Variants in RERE observed in about 807,000 individuals in gnomAD.
RERE encodes the protein arginine-glutamic acid dipeptide repeats, also known as arginine-glutamic acid dipeptide repeats protein.
A neutral mutation model predicts 146.1 loss-of-function variants in RERE; 40 were observed. The observed-to-expected ratio is 0.27, with a 90% CI of 0.21 to 0.36. The LOEUF (loss-of-function observed/expected upper bound fraction) is 0.36, where lower values mean the gene tolerates loss of function less well. Ranked by LOEUF, RERE falls within the 10% of genes least tolerant of loss-of-function variation. The pLI is 1.00. For missense variants in RERE, 1,933 were observed against 2,138.7 expected, an observed-to-expected ratio of 0.90 and a Z score of 1.90; for synonymous variants, 1,003 against 866.0, an observed-to-expected ratio of 1.16 and a Z score of -2.78.
intron 1 of RERE, among the ~76,000 whole-genome samples, chr1:8,661,231 A>C (rs1638449854): frequency 6.6e-6 from 1 of 152,182 alleles, no homozygotes. Context: ...TGCAAGGTCC[A>C]GAAGCAGGAA....
At chr1:8,518,295 G>T (rs936325997) in intron 7 of RERE, among the ~76,000 whole-genome samples, 1 of 152,178 alleles carries the variant, frequency 6.6e-6, no homozygotes, top group African/African-American at 2.4e-5. Flanking sequence ...CCTAACAGTC[G>T]TGTAGCCTGT....
intron 10 of RERE, among the ~76,000 whole-genome samples, chr1:8,492,692 G>A (rs996623990): frequency 8.5e-5 from 13 of 152,188 alleles, no homozygotes; most frequent in African/African-American, 2.9e-4. Context: ...TTGAGCCCAG[G>A]AGTCCGAGAC....
chr1:8,491,122 G>T (rs748741853), intron 10 of RERE, among the ~76,000 whole-genome samples: 23 of 150,672 alleles, frequency 1.5e-4, no homozygotes, highest in South Asian at 4.2e-4. Context: ...GGGCAACATT[G>T]TGAGACATCA....
At chr1:8,440,588 TAAA>T (rs61101850) in intron 11 of RERE, among the ~76,000 whole-genome samples, 16 of 71,426 alleles carry the variant, frequency 2.2e-4, no homozygotes, top group Admixed American at 1.7e-4. Context: ...AGACTCCACC[TAAA>T]AAAAAAAAAA....
chr1:8,547,578 TAAAC>T (rs903489210), intron 6 of RERE, among the ~76,000 whole-genome samples: 6 of 152,018 alleles, frequency 3.9e-5, no homozygotes, highest in African/African-American at 1.4e-4. Flanking sequence ...AGAAAATACA[TAAAC>T]AGACAATTTA....
rs755108265 is a variant in RERE at position 8,361,384 on chromosome 1, T to C, written c.2123A>G (p.Asn708Ser). The C allele has an allele frequency of 1.9e-6, 3 of 1,613,802 alleles. No individual in the cohort carries two copies. The highest frequency in any genetic ancestry group is 2.5e-6 in the Non-Finnish European group (3 of 1,179,830). Reference protein sequence around the residue: ...SSDPKDIDQDNRSTSPSIPSP... With the variant: ...SSDPKDIDQDSRSTSPSIPSP... The stretch of plus-strand genomic sequence containing the variant: ...GGGGATGCTCGGGGACGTGCTGCGA[T>C]TGTCCTGGTCGATGTCTTTGGGGTC... The change falls in exon 18 of 23, where the codon AAT (asparagine) becomes AGT (serine). Residue 708 changes from asparagine (N) to serine (S), a missense_variant. Asn to Ser is a conservative substitution (Grantham distance 46). Around this residue, in one of 11 missense-constraint regions of RERE, gnomAD observed 1,255 missense variants for 1,153.8 expected, o/e 1.09. Transcript: ENST00000400908.
chr1:8,688,982 T>C lies in RERE; in HGVS notation c.-144-32541A>G, dbSNP rs1432110493. ...AGGAACAGCTATATACTGGAAACCA[T>C]TGATTTGTATACTTTTTAAATGAGT... is the stretch of plus-strand genomic sequence containing the variant. On this transcript the variant is annotated intron_variant, in intron 1 of 22. Transcript: ENST00000400908. Among the ~76,000 whole-genome samples, 7 of 152,278 alleles carry C rather than the reference T, an allele frequency of 4.6e-5. No individual in the cohort carries two copies. The South Asian group carries it at 6.2e-4, about 14-fold the overall frequency.
chr1:8,575,561 A>ATATATTTT (rs1337650659), intron 4 of RERE, among the ~76,000 whole-genome samples: 5 of 98,680 alleles, frequency 5.1e-5, no homozygotes, highest in Non-Finnish European at 9.5e-5. Context: ...ATATATATAT[A>ATATATTTT]TTTTTTTTTT....
intron 20 of RERE, among the ~76,000 whole-genome samples, chr1:8,357,551 C>A (rs1641345803): frequency 6.6e-6 from 1 of 152,230 alleles, no homozygotes; most frequent in South Asian, 2.1e-4. Flanking sequence ...GTGAACCTGC[C>A]TCCTCGTAAG....
chr1:8,810,291 C>T (rs886945828), intron 1 of RERE, among the ~76,000 whole-genome samples: 1 of 152,150 alleles, frequency 6.6e-6, no homozygotes, highest in Non-Finnish European at 1.5e-5. Flanking sequence ...TGAGCCACCG[C>T]GCCTGGCCTA....
chr1:8,759,954 T>A (rs1640720684), intron 1 of RERE, among the ~76,000 whole-genome samples: 1 of 151,888 alleles, frequency 6.6e-6, no homozygotes, highest in Admixed American at 6.6e-5. Flanking sequence ...AAAGGAAGAT[T>A]TATCTGAGAA....
At chr1:8,607,569 G>A (rs1237357162) in intron 4 of RERE, among the ~76,000 whole-genome samples, 5 of 54,530 alleles carry the variant, frequency 9.2e-5, no homozygotes, top group South Asian at 5.3e-4. Flanking sequence ...TTTTTGAGAC[G>A]GAGTCTCGCT....
In RERE at chr1:8,364,010, G is replaced by C. The variant is rs1161284579; in HGVS notation, c.1740+46C>G. On this transcript the variant is annotated intron_variant, in intron 15 of 22. Coordinates refer to ENST00000400908, the MANE Select transcript of RERE (RefSeq NM_001042681.2). This position sits in a 1 kb window ranked among gnomAD's most constrained non-coding sequence, Gnocchi z 5.1. Reference sequence around the variant, plus strand: ...AGGCTCAAGCCCCCACACATCCCAGGAAACTGAAGAAGTTGCCAGGAGCCC... The same window carrying C: ...AGGCTCAAGCCCCCACACATCCCAGCAAACTGAAGAAGTTGCCAGGAGCCC... 1.3e-6 allele frequency: 2 copies of C among 1,571,136 alleles called. No individual in the cohort carries two copies. The highest frequency in any genetic ancestry group is 2.7e-5 in the African/African-American group (2 of 73,898).
Position 8,585,786 on chromosome 1 carries a change from C to A in RERE, c.523-28263G>T, listed in dbSNP as rs1408766522. Among the ~76,000 whole-genome samples the A allele has an allele frequency of 5.3e-5, 8 of 152,268 alleles. No individual in the cohort carries two copies. In the East Asian group the frequency reaches 1.5e-3, roughly 29 times the overall value. On this transcript the variant is annotated intron_variant, in intron 4 of 22. Transcript: ENST00000400908. ...GCAACCAAACCTTTATTCTGTCTTT[C>A]CTATATAAATTGTGCAACTGGGTAA... is the stretch of plus-strand genomic sequence containing the variant.
chr1:8,355,679 G>T (rs545087547), intron 21 of RERE, 80 bp from the exon 22 acceptor site: 3 of 1,267,802 alleles, frequency 2.4e-6, no homozygotes, highest in African/African-American at 3.0e-5. Flanking sequence ...CACAGCAAAC[G>T]GCAAAGAGCA....
intron 4 of RERE, 92 bp from the exon 5 acceptor site, chr1:8,557,615 T>C (rs1260270847): frequency 9.0e-6 from 7 of 779,388 alleles, no homozygotes; most frequent in Admixed American, 7.6e-5. Flanking sequence ...TGTAAACGGG[T>C]GGACACGTAG....
intron 10 of RERE, among the ~76,000 whole-genome samples, chr1:8,481,678 A>C (rs1022929536): frequency 6.6e-6 from 1 of 152,230 alleles, no homozygotes; most frequent in Non-Finnish European, 1.5e-5. Context: ...AATAGTTGAT[A>C]CCTTAAAAAA....
At chr1:8,488,393 G>A (rs1016956021) in intron 10 of RERE, among the ~76,000 whole-genome samples, 6 of 151,962 alleles carry the variant, frequency 3.9e-5, no homozygotes, top group South Asian at 2.1e-4. Context: ...TTACACGCAC[G>A]TGCCACCATG....
intron 1 of RERE, among the ~76,000 whole-genome samples, chr1:8,709,326 C>T (rs1487628671): frequency 1.3e-5 from 2 of 151,058 alleles, no homozygotes; most frequent in African/African-American, 2.4e-5. Flanking sequence ...CAGTATGTTG[C>T]CCACGTTGGT....
Sources: allele counts gnomAD v4.1 joint callset (sites outside exome capture counted in the v4.1 genomes callset), GRCh38; gene constraint gnomAD v4.1.1; regional missense constraint gnomAD v4.1.1; non-coding constraint Gnocchi (gnomAD v3.1); transcripts MANE v1.5; gene names NCBI Gene and HGNC (gene_info 2026-07-23, HGNC 2026-07-21).